CEP128: variants seen among roughly 807,000 people sequenced by gnomAD.
CEP128 encodes the protein centrosomal protein 128, also known as centrosomal protein 128kDa.
In CEP128, 132 loss-of-function variants were observed where a neutral mutation model predicts 156.7. The observed-to-expected ratio is 0.84, with a 90% CI of 0.73 to 0.97. The LOEUF (loss-of-function observed/expected upper bound fraction) is 0.97. CEP128 is among the 50% of genes least tolerant of loss of function. The pLI is 0.00. For missense variants in CEP128, 1,252 were observed against 1,281.9 expected, an observed-to-expected ratio of 0.98 and a Z score of 0.36; for synonymous variants, 469 against 448.9, an observed-to-expected ratio of 1.04 and a Z score of -0.57.
At chr14:80,480,433 C>T (rs972423064) in intron 14 of CEP128, among the ~76,000 whole-genome samples, 14 of 152,204 alleles carry the variant, frequency 9.2e-5, no homozygotes, top group Middle Eastern at 3.4e-3. Context: ...ATAGCCCAAC[C>T]CATACACTGG....
intron 19 of CEP128, among the ~76,000 whole-genome samples, chr14:80,611,919 G>A (rs1414483692): frequency 5.3e-5 from 8 of 152,184 alleles, no homozygotes; most frequent in African/African-American, 1.9e-4. Flanking sequence ...TAAGCCAGGC[G>A]TGGTAGCCTG....
chr14:80,808,636 T>G (rs955601353), intron 13 of CEP128, among the ~76,000 whole-genome samples: 13 of 151,916 alleles, frequency 8.6e-5, no homozygotes, highest in African/African-American at 3.1e-4. Flanking sequence ...GGCCCACCAT[T>G]GCCACTATGA....
intron 19 of CEP128, among the ~76,000 whole-genome samples, chr14:80,702,659 T>C (rs1008223512): frequency 2.0e-5 from 3 of 151,790 alleles, no homozygotes; most frequent in African/African-American, 7.3e-5. Flanking sequence ...CACAGAGAGG[T>C]TGAGAAAGTT....
intron 2 of CEP128, among the ~76,000 whole-genome samples, chr14:80,934,682 A>G (rs569621089): frequency 2.0e-5 from 3 of 152,148 alleles, no homozygotes; most frequent in Non-Finnish European, 4.4e-5. Flanking sequence ...CTTTTTTGCA[A>G]ATGAAGAACT....
chr14:80,954,280 A>G (rs1303064367), intron 2 of CEP128, among the ~76,000 whole-genome samples: 1 of 152,088 alleles, frequency 6.6e-6, no homozygotes, highest in Non-Finnish European at 1.5e-5. Context: ...AAAAGAAAAA[A>G]AAAAAGAAAA....
intron 20 of CEP128, 63 bp from the exon 21 acceptor site, chr14:80,559,365 C>T: frequency 7.5e-7 from 1 of 1,340,404 alleles, no homozygotes; most frequent in South Asian, 1.3e-5. Flanking sequence ...TTCAAGTTTA[C>T]TTAATTTACA....
At chr14:80,739,309 T>C (rs1252768850) in intron 19 of CEP128, among the ~76,000 whole-genome samples, 1 of 152,204 alleles carries the variant, frequency 6.6e-6, no homozygotes, top group African/African-American at 2.4e-5. Context: ...ATTATTGTGA[T>C]AAGTGAATCT....
At chr14:80,940,728 C>T (rs1455266377) in intron 1 of CEP128, among the ~76,000 whole-genome samples, 1 of 151,438 alleles carries the variant, frequency 6.6e-6, no homozygotes, top group East Asian at 1.9e-4. Context: ...CCATTGAAAA[C>T]ATTTTTCTAT....
At chr14:80,915,435 C>T (rs1239380381) in intron 3 of CEP128, among the ~76,000 whole-genome samples, 1 of 152,222 alleles carries the variant, frequency 6.6e-6, no homozygotes, top group East Asian at 1.9e-4. Flanking sequence ...TAATCCAAAG[C>T]AATTAAAAGC....
downstream of CEP128, among the ~76,000 whole-genome samples, chr14:80,495,201 T>C (rs1471761181): frequency 6.6e-6 from 1 of 152,182 alleles, no homozygotes; most frequent in Non-Finnish European, 1.5e-5. Flanking sequence ...TGATATCACA[T>C]GTAATTGAGG....
chr14:80,669,288 T>C (rs1318075837), intron 19 of CEP128, among the ~76,000 whole-genome samples: 1 of 151,956 alleles, frequency 6.6e-6, no homozygotes, highest in Middle Eastern at 3.2e-3. Context: ...ACCTCAAAAG[T>C]ATAAACAACA....
At chr14:80,570,937 T>A (rs940457324) in intron 20 of CEP128, among the ~76,000 whole-genome samples, 2 of 152,186 alleles carry the variant, frequency 1.3e-5, no homozygotes, top group African/African-American at 4.8e-5. Flanking sequence ...AAAAAAATTA[T>A]TTGTATACAT....
intron 21 of CEP128, among the ~76,000 whole-genome samples, chr14:80,556,317 G>A (rs1890435175): frequency 1.3e-5 from 2 of 152,054 alleles, no homozygotes; most frequent in South Asian, 2.1e-4. Flanking sequence ...CACAACTACT[G>A]GACTAATGCT....
intron 19 of CEP128, among the ~76,000 whole-genome samples, chr14:80,599,966 C>T (rs1331468141): frequency 6.6e-6 from 1 of 152,170 alleles, no homozygotes; most frequent in Admixed American, 6.5e-5. Context: ...TGTTTTCTTT[C>T]ACATACCATG....
intron 21 of CEP128, among the ~76,000 whole-genome samples, chr14:80,548,124 C>A (rs1377137280): frequency 6.6e-6 from 1 of 151,812 alleles, no homozygotes; most frequent in African/African-American, 2.4e-5. Context: ...TAAAGATGAT[C>A]TAGTCCAGCC....
chr14:80,701,790 A>G (rs1897083655), intron 19 of CEP128, among the ~76,000 whole-genome samples: 1 of 152,034 alleles, frequency 6.6e-6, no homozygotes. Flanking sequence ...CTTTCTCTCA[A>G]ACCCCAAAAC....
At chr14:80,692,409 T>G (rs754945032) in intron 19 of CEP128, among the ~76,000 whole-genome samples, 51 of 152,226 alleles carry the variant, frequency 3.4e-4, no homozygotes, top group South Asian at 2.1e-4. Flanking sequence ...TCATGTTAGA[T>G]GACATCAAAG....
intron 2 of CEP128, among the ~76,000 whole-genome samples, chr14:80,929,982 C>G (rs969958659): frequency 6.6e-6 from 1 of 152,180 alleles, no homozygotes; most frequent in Non-Finnish European, 1.5e-5. Context: ...ACAGCTGCCC[C>G]CTTCACTTGC....
chr14:80,804,770 C>T (rs1403876588), intron 13 of CEP128, among the ~76,000 whole-genome samples: 1 of 151,972 alleles, frequency 6.6e-6, no homozygotes, highest in Admixed American at 6.6e-5. Context: ...TTTAGAGATG[C>T]TTTAGTTTTA....
Sources: allele counts gnomAD v4.1 joint callset (sites outside exome capture counted in the v4.1 genomes callset), GRCh38; gene constraint gnomAD v4.1.1; transcripts MANE v1.5; gene names NCBI Gene and HGNC (gene_info 2026-07-23, HGNC 2026-07-21).